The following CDA variants were observed in gnomAD, a reference collection of about 807,000 sequenced individuals.
The protein encoded by CDA is cytidine deaminase, also known as cytidine aminohydrolase.
In CDA, 7 loss-of-function variants were observed where a neutral mutation model predicts 15.0. That is an observed-to-expected ratio of 0.47 (90% confidence interval 0.26 to 0.87). The LOEUF is 0.87. CDA is among the 40% of genes least tolerant of loss of function. The pLI is 0.15. For missense variants in CDA, 159 were observed against 182.7 expected, an observed-to-expected ratio of 0.87 and a Z score of 0.75; for synonymous variants, 58 against 73.0, an observed-to-expected ratio of 0.79 and a Z score of 1.05.
intron 1 of CDA, among the ~76,000 whole-genome samples, chr1:20,591,888 G>C (rs1046138084): frequency 6.7e-6 from 1 of 148,572 alleles, no homozygotes; most frequent in African/African-American, 2.5e-5. Context: ...CTGTCACCCA[G>C]GCTGGAGTGC....
At chr1:20,594,813 TAAAAG>T (rs1283828702) in intron 1 of CDA, among the ~76,000 whole-genome samples, 1 of 144,336 alleles carries the variant, frequency 6.9e-6, no homozygotes, top group Non-Finnish European at 1.5e-5. Flanking sequence ...GAAAGAAAGA[TAAAAG>T]AAAAGAAAGA....
At chr1:20,592,712 C>G (rs2052559374) in intron 1 of CDA, among the ~76,000 whole-genome samples, 1 of 152,180 alleles carries the variant, frequency 6.6e-6, no homozygotes, top group Admixed American at 6.5e-5. Context: ...AAGGCTTCTA[C>G]TAGGACTGGG....
At chr1:20,598,886 A>G (rs2052612728) in intron 1 of CDA, among the ~76,000 whole-genome samples, 1 of 152,234 alleles carries the variant, frequency 6.6e-6, no homozygotes, top group Admixed American at 6.5e-5. Context: ...GGCCCAGGAC[A>G]TACCACAACA....
intron 1 of CDA, among the ~76,000 whole-genome samples, chr1:20,591,244 G>T (rs1038906366): frequency 9.2e-5 from 14 of 152,152 alleles, no homozygotes; most frequent in African/African-American, 3.4e-4. Context: ...GGGAGGCTGA[G>T]GCAGGAGAAT....
intron 1 of CDA, among the ~76,000 whole-genome samples, chr1:20,602,418 GT>G (rs112566518): frequency 0.14 from 21,230 of 146,558 alleles, 1,560 homozygotes; most frequent in Admixed American, 0.18. Context: ...CCACATCATG[GT>G]TTTTTTTTTT....
At chr1:20,591,305 C>T (rs1373791299) in intron 1 of CDA, among the ~76,000 whole-genome samples, 1 of 152,064 alleles carries the variant, frequency 6.6e-6, no homozygotes, top group African/African-American at 2.4e-5. Flanking sequence ...CGTGCCACTG[C>T]ACTCCAGCCT....
At chr1:20,606,156 T>C (rs1352788733) in intron 2 of CDA, among the ~76,000 whole-genome samples, 1 of 122,856 alleles carries the variant, frequency 8.1e-6, no homozygotes, top group Non-Finnish European at 1.8e-5. Context: ...GTCACCGAGG[T>C]GTGTCCTGGC....
intron 1 of CDA, among the ~76,000 whole-genome samples, chr1:20,596,786 G>A (rs1441965234): frequency 1.5e-5 from 2 of 137,510 alleles, no homozygotes; most frequent in East Asian, 2.1e-4. Flanking sequence ...TTTGAGACAG[G>A]ATCTCACTCT....
intron 2 of CDA, among the ~76,000 whole-genome samples, chr1:20,608,458 G>A (rs1285562164): frequency 1.0e-5 from 1 of 97,806 alleles, no homozygotes; most frequent in Non-Finnish European, 2.4e-5. Context: ...CGCCCAGGCT[G>A]GAGTGTAGTG....
rs572986152 is a variant in CDA at position 20,594,660 on chromosome 1, G to A, written c.154+5377G>A. On this transcript the variant is annotated intron_variant, in intron 1 of 3. Coordinates refer to ENST00000375071, the MANE Select transcript of CDA (RefSeq NM_001785.3). Reference sequence around the variant, plus strand: ...AAAAATTAGCCAGGTATGGTGGTAGGTGCCTGTAATCCCAGCTATTCAGGA... The same window carrying A: ...AAAAATTAGCCAGGTATGGTGGTAGATGCCTGTAATCCCAGCTATTCAGGA... Among the ~76,000 whole-genome samples the A allele has an allele frequency of 2.0e-5, 3 of 151,894 alleles. No homozygotes were observed. The South Asian group carries it at 6.2e-4, about 32-fold the overall frequency.
At chr1:20,599,995 G>C (rs191821892) in intron 1 of CDA, among the ~76,000 whole-genome samples, 1,579 of 152,322 alleles carry the variant, frequency 0.01, 14 homozygotes, top group Non-Finnish European at 0.017. Flanking sequence ...AGAGTCCCAG[G>C]GCAGAATGAA....
intron 1 of CDA, among the ~76,000 whole-genome samples, chr1:20,602,477 G>A (rs1286752661): frequency 6.6e-6 from 1 of 151,974 alleles, no homozygotes; most frequent in African/African-American, 2.4e-5. Flanking sequence ...AGGCTGGAGC[G>A]CAGTGGCATG....
intron 2 of CDA, among the ~76,000 whole-genome samples, chr1:20,607,840 AT>A (rs1348950846): frequency 1.3e-5 from 2 of 152,328 alleles, no homozygotes; most frequent in Non-Finnish European, 2.9e-5. Context: ...CCTTGTTAAC[AT>A]CAGATGGGTC....
At chr1:20,592,047 G>T (rs1240102431) in intron 1 of CDA, among the ~76,000 whole-genome samples, 1 of 151,942 alleles carries the variant, frequency 6.6e-6, no homozygotes, top group Non-Finnish European at 1.5e-5. Context: ...TCATCATGTT[G>T]GCTAATCTGG....
At position 20,613,853 on chromosome 1, in the gene CDA, A is replaced by G. The variant is rs772464520; in HGVS notation, c.278A>G (p.Asp93Gly). Residue 93 changes from aspartate (D) to glycine (G), a missense_variant, in exon 3 of 4, where the codon GAT (aspartate) becomes GGT (glycine). Physicochemically the swap from Asp to Gly is moderately conservative, Grantham distance 94. Coordinates refer to ENST00000375071, the MANE Select transcript of CDA (RefSeq NM_001785.3). ...RAIAIASDMQ[D>G]DFISPCGACR... The stretch of plus-strand genomic sequence containing the variant: ...CTTTGCTTCCCCAGTGACATGCAAG[A>G]TGATTTTATCTCTCCATGTGGGGCC... 6.2e-7 allele frequency: 1 copy of G among 1,614,072 alleles called. No individual in the cohort carries two copies. The highest frequency in any genetic ancestry group is 1.1e-5 in the South Asian group (1 of 91,076).
intron 3 of CDA, among the ~76,000 whole-genome samples, chr1:20,615,162 G>A (rs554214556): frequency 6.6e-6 from 1 of 152,136 alleles, no homozygotes; most frequent in Admixed American, 6.5e-5. Flanking sequence ...GCCCAGCCTG[G>A]AGTGTACACT....
chr1:20,617,036 G>T (rs1160578597), intron 3 of CDA, among the ~76,000 whole-genome samples: 1 of 152,132 alleles, frequency 6.6e-6, no homozygotes, highest in Non-Finnish European at 1.5e-5. Flanking sequence ...CTGCATCTCA[G>T]AATACCTGGC....
intron 3 of CDA, among the ~76,000 whole-genome samples, chr1:20,616,605 C>T (rs546053107): frequency 2.0e-5 from 3 of 152,162 alleles, no homozygotes; most frequent in Admixed American, 6.5e-5. Context: ...CCCAAGGCCC[C>T]GACGTGGTCC....
chr1:20,597,755 A>G (rs554091311), intron 1 of CDA, among the ~76,000 whole-genome samples: 15 of 152,328 alleles, frequency 9.8e-5, no homozygotes, highest in South Asian at 6.2e-4. Context: ...GAAGTAAGCA[A>G]AGGCAATAGC....
Sources: gnomAD v4.1 joint callset for allele counts (sites outside exome capture counted in the v4.1 genomes callset) on GRCh38, gnomAD v4.1.1 for gene constraint, MANE v1.5 for transcripts, NCBI Gene and HGNC (gene_info 2026-07-23, HGNC 2026-07-21) for gene names.